The following MATCAP2 variants were observed in gnomAD, a reference collection of about 807,000 sequenced individuals.
The protein encoded by MATCAP2 is microtubule associated tyrosine carboxypeptidase 2, also known as putative tyrosine carboxypeptidase MATCAP2.
At chr7:36,373,960 G>C in the MATCAP2 span, among the ~76,000 whole-genome samples, 1 of 152,098 alleles carries the variant, frequency 6.6e-6, no homozygotes, top group Admixed American at 6.6e-5. Flanking sequence ...TTTTAGTAAA[G>C]ACAGGGTTTC....
chr7:36,341,696 A>G, the MATCAP2 span, among the ~76,000 whole-genome samples: 1 of 152,206 alleles, frequency 6.6e-6, no homozygotes, highest in Non-Finnish European at 1.5e-5. Context: ...TGAGGCCAGA[A>G]GTTCAAGACA....
chr7:36,352,396 T>TAAAAA, the MATCAP2 span, among the ~76,000 whole-genome samples: 3 of 106,198 alleles, frequency 2.8e-5, no homozygotes, highest in Admixed American at 1.0e-4. Context: ...GACTCCATCT[T>TAAAAA]AAAAAAAAAA....
the MATCAP2 span, among the ~76,000 whole-genome samples, chr7:36,379,735 G>A: frequency 6.6e-6 from 1 of 151,358 alleles, no homozygotes; most frequent in Non-Finnish European, 1.5e-5. Context: ...AGATGGTGTA[G>A]ACTATTGCTG....
At chr7:36,373,233 G>T in the MATCAP2 span, among the ~76,000 whole-genome samples, 8 of 152,046 alleles carry the variant, frequency 5.3e-5, no homozygotes, top group African/African-American at 9.6e-5. Context: ...TATACTGGGA[G>T]AAAAAAACAA....
the MATCAP2 span, among the ~76,000 whole-genome samples, chr7:36,339,746 G>A: frequency 6.6e-6 from 1 of 152,206 alleles, no homozygotes; most frequent in East Asian, 1.9e-4. Flanking sequence ...AATTGCAGAA[G>A]AGAAGTGGTA....
the MATCAP2 span, chr7:36,356,895 A>G: frequency 6.2e-7 from 1 of 1,612,344 alleles, no homozygotes; most frequent in Non-Finnish European, 8.5e-7. Flanking sequence ...TTGAAATGGC[A>G]TTTTACCTGC....
the MATCAP2 span, among the ~76,000 whole-genome samples, chr7:36,362,975 T>C: frequency 6.6e-6 from 1 of 152,216 alleles, no homozygotes; most frequent in African/African-American, 2.4e-5. Flanking sequence ...TTTTACAACA[T>C]ACATCTGTGT....
At chr7:36,341,376 G>C in the MATCAP2 span, among the ~76,000 whole-genome samples, 1 of 152,198 alleles carries the variant, frequency 6.6e-6, no homozygotes. Context: ...GGGATATGTG[G>C]TTCCCTTACT....
At chr7:36,379,843 CACACAGAGAG>C in the MATCAP2 span, among the ~76,000 whole-genome samples, 5 of 127,366 alleles carry the variant, frequency 3.9e-5, no homozygotes, top group African/African-American at 1.4e-4. Flanking sequence ...CACACACACA[CACACAGAGAG>C]AGAGAGAGAG....
At chr7:36,338,078 C>T in the MATCAP2 span, among the ~76,000 whole-genome samples, 1 of 152,092 alleles carries the variant, frequency 6.6e-6, no homozygotes, top group Non-Finnish European at 1.5e-5. Context: ...TCCAACCTGA[C>T]TCTGGCATAA....
chr7:36,385,942 G>A, the MATCAP2 span, among the ~76,000 whole-genome samples: 1 of 152,044 alleles, frequency 6.6e-6, no homozygotes, highest in Admixed American at 6.6e-5. Flanking sequence ...ATCACTTGTG[G>A]CCAGGAATTC....
chr7:36,377,719 G>A, the MATCAP2 span, among the ~76,000 whole-genome samples: 3,251 of 152,152 alleles, frequency 0.021, 52 homozygotes, highest in Middle Eastern at 0.054. Flanking sequence ...TCCATTCTCC[G>A]CATCACTTTC....
chr7:36,376,925 T>A, the MATCAP2 span, among the ~76,000 whole-genome samples: 1 of 152,184 alleles, frequency 6.6e-6, no homozygotes, highest in African/African-American at 2.4e-5. Flanking sequence ...CCTGCTTTTT[T>A]ATTTTTTTTA....
At chr7:36,390,184 T>G in the MATCAP2 span, 7 of 1,440,716 alleles carry the variant, frequency 4.9e-6, no homozygotes, top group Non-Finnish European at 6.6e-6. Flanking sequence ...CGGGCCGGGG[T>G]CGCCGCGGCT....
the MATCAP2 span, among the ~76,000 whole-genome samples, chr7:36,364,180 G>A: frequency 1.3e-5 from 2 of 151,676 alleles, no homozygotes; most frequent in South Asian, 4.1e-4. Flanking sequence ...CTGCCGCCTG[G>A]GCGCTCAAGT....
chr7:36,333,522 T>C, the MATCAP2 span, among the ~76,000 whole-genome samples: 121 of 152,006 alleles, frequency 8.0e-4, no homozygotes, highest in Admixed American at 3.9e-3. Flanking sequence ...ATGTGAATTA[T>C]ATCTCAGTAT....
At chr7:36,336,428 C>T in the MATCAP2 span, 1 of 749,894 alleles carries the variant, frequency 1.3e-6, no homozygotes, top group South Asian at 2.4e-5. Flanking sequence ...ACTGAAGTGC[C>T]AAACTTTTCT....
chr7:36,337,098 CA>C, the MATCAP2 span, among the ~76,000 whole-genome samples: 48 of 18,516 alleles, frequency 2.6e-3, no homozygotes, highest in African/African-American at 6.8e-3. Flanking sequence ...AACTCCATCT[CA>C]AAAAAAAAAA....
chr7:36,367,510 G>A, the MATCAP2 span, among the ~76,000 whole-genome samples: 1 of 152,170 alleles, frequency 6.6e-6, no homozygotes, highest in African/African-American at 2.4e-5. Context: ...GTGACACTCG[G>A]CCCTAGCTGC....
Sources: gnomAD v4.1 joint callset for allele counts (sites outside exome capture counted in the v4.1 genomes callset) on GRCh38, gnomAD v4.1.1 for gene constraint, MANE v1.5 for transcripts, NCBI Gene and HGNC (gene_info 2026-07-23, HGNC 2026-07-21) for gene names.